Variants in LOC128706665 observed in about 807,000 individuals in gnomAD.
the LOC128706665 span, among the ~76,000 whole-genome samples, chr20:10,424,567 TCATTG>T: frequency 6.6e-6 from 1 of 152,092 alleles, no homozygotes; most frequent in African/African-American, 2.4e-5. Flanking sequence ...CTAGCAAAGC[TCATTG>T]CTAGTTTTAC....
chr20:10,424,326 CA>C, the LOC128706665 span, among the ~76,000 whole-genome samples: 3 of 151,990 alleles, frequency 2.0e-5, no homozygotes, highest in East Asian at 5.8e-4. Flanking sequence ...GAGGCTCAGG[CA>C]GGGGGACTGC....
the LOC128706665 span, among the ~76,000 whole-genome samples, chr20:10,425,440 AT>A: frequency 6.6e-6 from 1 of 152,224 alleles, no homozygotes; most frequent in Admixed American, 6.5e-5. Flanking sequence ...GAATTAACAA[AT>A]TTCTTAAAAA....
At chr20:10,431,108 ATACACGGCAGCCATTACTTT>A in the LOC128706665 span, among the ~76,000 whole-genome samples, 1 of 152,214 alleles carries the variant, frequency 6.6e-6, no homozygotes, top group African/African-American at 2.4e-5. Flanking sequence ...GAAGTGCTCA[ATACACGGCAGCCATTACTTT>A]TATTGGGAGT....
the LOC128706665 span, chr20:10,413,841 C>T: frequency 2.2e-6 from 1 of 454,102 alleles, no homozygotes; most frequent in Non-Finnish European, 3.9e-6. Context: ...GAAAGATATC[C>T]CAGCTACAAG....
the LOC128706665 span, among the ~76,000 whole-genome samples, chr20:10,432,523 T>G: frequency 1.3e-5 from 2 of 152,190 alleles, no homozygotes; most frequent in Admixed American, 1.3e-4. Context: ...CCAGACGCCG[T>G]GGGTCATGCC....
the LOC128706665 span, among the ~76,000 whole-genome samples, chr20:10,414,261 G>A: frequency 1.4e-5 from 2 of 143,102 alleles, no homozygotes; most frequent in South Asian, 4.7e-4. Context: ...TTAGGTCTCT[G>A]AGTCTTTTTT....
chr20:10,430,352 T>C, the LOC128706665 span, among the ~76,000 whole-genome samples: 3 of 152,358 alleles, frequency 2.0e-5, no homozygotes, highest in African/African-American at 7.2e-5. Flanking sequence ...TTCAGTTCCA[T>C]TGTGTGTACA....
At chr20:10,417,095 CA>C in the LOC128706665 span, among the ~76,000 whole-genome samples, 1 of 151,712 alleles carries the variant, frequency 6.6e-6, no homozygotes, top group Non-Finnish European at 1.5e-5. Flanking sequence ...TAAAAAAATA[CA>C]AAAAACTAGT....
the LOC128706665 span, among the ~76,000 whole-genome samples, chr20:10,427,559 C>A: frequency 6.6e-6 from 1 of 152,160 alleles, no homozygotes; most frequent in African/African-American, 2.4e-5. Flanking sequence ...GAATTCTCAT[C>A]ATCAACATTC....
chr20:10,433,471 T>G, the LOC128706665 span, among the ~76,000 whole-genome samples: 3 of 152,204 alleles, frequency 2.0e-5, no homozygotes, highest in Non-Finnish European at 2.9e-5. Flanking sequence ...GACACGTGTA[T>G]ATCTGTTTAT....
the LOC128706665 span, among the ~76,000 whole-genome samples, chr20:10,428,901 A>AT: frequency 6.6e-6 from 1 of 152,090 alleles, no homozygotes; most frequent in Admixed American, 6.5e-5. Context: ...TGGTATTCCT[A>AT]TTACCTGTGT....
At chr20:10,431,062 A>G in the LOC128706665 span, among the ~76,000 whole-genome samples, 1 of 152,174 alleles carries the variant, frequency 6.6e-6, no homozygotes, top group Admixed American at 6.5e-5. Flanking sequence ...AGAGAACTAT[A>G]TACATTCATA....
At chr20:10,428,514 T>C in the LOC128706665 span, among the ~76,000 whole-genome samples, 1 of 152,204 alleles carries the variant, frequency 6.6e-6, no homozygotes, top group Non-Finnish European at 1.5e-5. Context: ...TCTAACTTGT[T>C]GTCCCCTTAT....
chr20:10,433,934 G>A, the LOC128706665 span, among the ~76,000 whole-genome samples: 2 of 152,156 alleles, frequency 1.3e-5, no homozygotes, highest in African/African-American at 2.4e-5. Context: ...TTCAGAGGTC[G>A]GTCTTTCGCC....
the LOC128706665 span, among the ~76,000 whole-genome samples, chr20:10,432,427 C>T: frequency 6.6e-6 from 1 of 152,226 alleles, no homozygotes; most frequent in Non-Finnish European, 1.5e-5. Context: ...AATCACCCCT[C>T]AGTATTTGGG....
chr20:10,431,374 C>T, the LOC128706665 span, among the ~76,000 whole-genome samples: 1 of 152,234 alleles, frequency 6.6e-6, no homozygotes, highest in African/African-American at 2.4e-5. Context: ...CAAATGCTCA[C>T]TTAGTGTCTA....
At chr20:10,420,952 A>C in the LOC128706665 span, among the ~76,000 whole-genome samples, 2 of 152,236 alleles carry the variant, frequency 1.3e-5, no homozygotes, top group Non-Finnish European at 2.9e-5. Flanking sequence ...GCAGGCAGTC[A>C]GCCTTGGGAA....
chr20:10,429,634 T>C, the LOC128706665 span, among the ~76,000 whole-genome samples: 2 of 152,228 alleles, frequency 1.3e-5, no homozygotes. Flanking sequence ...TTCAGAAATC[T>C]GGATATACTG....
chr20:10,416,617 G>A, the LOC128706665 span, among the ~76,000 whole-genome samples: 34 of 152,230 alleles, frequency 2.2e-4, no homozygotes, highest in African/African-American at 7.5e-4. Flanking sequence ...GGAATTACAG[G>A]GATAAAACAT....
Sources: allele counts gnomAD v4.1 joint callset (sites outside exome capture counted in the v4.1 genomes callset), GRCh38; gene constraint gnomAD v4.1.1; transcripts MANE v1.5.